The following DSCAML1 variants were observed in gnomAD, a reference collection of about 807,000 sequenced individuals.
The protein encoded by DSCAML1 is DS cell adhesion molecule like 1.
A neutral mutation model predicts 200.5 loss-of-function variants in DSCAML1; 38 were observed. The observed-to-expected ratio is 0.19, with a 90% CI of 0.15 to 0.25. DSCAML1 has a LOEUF of 0.25. DSCAML1 is among the 10% of genes least tolerant of loss of function. DSCAML1 has a pLI of 1.00. For missense variants in DSCAML1, 2,223 were observed against 2,858.8 expected (o/e 0.78, Z 5.07); for synonymous variants, 1,215 against 1,165.0 (o/e 1.04, Z -0.87).
chr11:117,681,568 G>A (rs1002203315), intron 3 of DSCAML1, among the ~76,000 whole-genome samples: 3 of 152,174 alleles, frequency 2.0e-5, no homozygotes, highest in Non-Finnish European at 2.9e-5. Context: ...TGACACTCCA[G>A]GGCTTTATTG....
At chr11:117,703,727 A>G (rs889380818) in intron 3 of DSCAML1, among the ~76,000 whole-genome samples, 1 of 152,218 alleles carries the variant, frequency 6.6e-6, no homozygotes, top group Non-Finnish European at 1.5e-5. Context: ...TTACCCCACA[A>G]GACTGTGGGT....
chr11:117,816,468 G>C (rs1283731404), intron 1 of DSCAML1, among the ~76,000 whole-genome samples: 1 of 152,248 alleles, frequency 6.6e-6, no homozygotes, highest in East Asian at 1.9e-4. Flanking sequence ...GTGAGGCACA[G>C]ATTACCCGCC....
At chr11:117,604,134 A>G (rs1408395131) in intron 3 of DSCAML1, among the ~76,000 whole-genome samples, 7 of 152,110 alleles carry the variant, frequency 4.6e-5, no homozygotes, top group Admixed American at 3.9e-4. Flanking sequence ...ATTACCGACA[A>G]TGCAGGCATC....
At chr11:117,623,219 T>C (rs1261457512) in intron 3 of DSCAML1, among the ~76,000 whole-genome samples, 1 of 140,120 alleles carries the variant, frequency 7.1e-6, no homozygotes, top group Non-Finnish European at 1.5e-5. Flanking sequence ...TTCTTTTCTT[T>C]TTTTTTTTTT....
Position 117,464,982 on chromosome 11 carries a change from C to A in DSCAML1, c.3225G>T (p.Gly1075=). The A allele has an allele frequency of 6.2e-7, 1 of 1,614,092 alleles. No homozygotes were observed. Among genetic ancestry groups the A allele is most frequent in the Non-Finnish European group, 8.5e-7 (1 of 1,179,978 alleles). ...VVQAFNRAGT[G]PSSSEINATT... ...TGGCATTGATCTCGCTGGAAGAGGGCCCCGTGCCAGCCCGATTGAAGGCTT... is the reference window on the plus strand; with the variant it reads ...TGGCATTGATCTCGCTGGAAGAGGGACCCGTGCCAGCCCGATTGAAGGCTT... Residue 1075 remains glycine, a synonymous_variant, in exon 17 of 33, where the codon GGG becomes GGT. Coordinates refer to ENST00000651296, the MANE Select transcript of DSCAML1 (RefSeq NM_020693.4).
intron 3 of DSCAML1, among the ~76,000 whole-genome samples, chr11:117,660,553 A>G (rs1398388511): frequency 1.3e-5 from 2 of 152,050 alleles, no homozygotes; most frequent in African/African-American, 4.8e-5. Context: ...TTGCCATAAG[A>G]GGGGAGGCTG....
At chr11:117,772,395 A>T (rs1368326636) in intron 3 of DSCAML1, among the ~76,000 whole-genome samples, 1 of 152,200 alleles carries the variant, frequency 6.6e-6, no homozygotes, top group Non-Finnish European at 1.5e-5. Flanking sequence ...CCCTACCCAC[A>T]ATAAACAGTG....
intron 3 of DSCAML1, among the ~76,000 whole-genome samples, chr11:117,736,230 C>T (rs2054313430): frequency 6.6e-6 from 1 of 152,174 alleles, no homozygotes; most frequent in African/African-American, 2.4e-5. Context: ...CGAGGCTTGG[C>T]TGGTGCTGGA....
chr11:117,803,367 AT>A (rs1285082654), intron 1 of DSCAML1, among the ~76,000 whole-genome samples: 3 of 152,160 alleles, frequency 2.0e-5, no homozygotes, highest in African/African-American at 7.2e-5. Context: ...ATTTTTTTTA[AT>A]TTAGAAAGCA....
At chr11:117,432,701 T>G (rs2047826703) in intron 29 of DSCAML1, among the ~76,000 whole-genome samples, 197 bp from the exon 30 acceptor site, 1 of 152,118 alleles carries the variant, frequency 6.6e-6, no homozygotes, top group Non-Finnish European at 1.5e-5. Flanking sequence ...CGCCTCAATC[T>G]CCTGGGCTCA....
chr11:117,438,136 A>C (rs2047960373), intron 24 of DSCAML1, 53 bp from the exon 25 acceptor site: 8 of 1,534,646 alleles, frequency 5.2e-6, no homozygotes, highest in Middle Eastern at 3.6e-4. Flanking sequence ...AAGGCAGCAG[A>C]AGCCCAGCCT....
intron 11 of DSCAML1, among the ~76,000 whole-genome samples, chr11:117,484,928 TG>T (rs1565729343): frequency 1.4e-5 from 2 of 139,964 alleles, no homozygotes; most frequent in African/African-American, 3.0e-5. Context: ...TGTGTGTGTG[TG>T]TGTGTGTGTG....
chr11:117,686,716 G>C (rs534046321), intron 3 of DSCAML1, among the ~76,000 whole-genome samples: 1 of 152,198 alleles, frequency 6.6e-6, no homozygotes, highest in Non-Finnish European at 1.5e-5. Context: ...CACATGCCTG[G>C]GAGCGGGAGA....
intron 3 of DSCAML1, among the ~76,000 whole-genome samples, chr11:117,701,829 G>A (rs779387335): frequency 1.4e-4 from 22 of 152,176 alleles, no homozygotes; most frequent in Non-Finnish European, 2.5e-4. Flanking sequence ...TGACCTGGAC[G>A]TCCTGGGGAT....
intron 3 of DSCAML1, among the ~76,000 whole-genome samples, chr11:117,631,189 G>A (rs1367922912): frequency 6.6e-6 from 1 of 152,204 alleles, no homozygotes; most frequent in African/African-American, 2.4e-5. Context: ...GAGGACACAA[G>A]AGTCTGGGGG....
At chr11:117,773,112 C>T (rs2055068842) in intron 3 of DSCAML1, among the ~76,000 whole-genome samples, 1 of 152,184 alleles carries the variant, frequency 6.6e-6, no homozygotes, top group African/African-American at 2.4e-5. Flanking sequence ...TGAGTAAGCA[C>T]CCAATTCATG....
At chr11:117,674,526 A>C (rs1376912603) in intron 3 of DSCAML1, among the ~76,000 whole-genome samples, 6 of 152,184 alleles carry the variant, frequency 3.9e-5, no homozygotes, top group Non-Finnish European at 8.8e-5. Flanking sequence ...GGCCATGCAT[A>C]CCAGGTGCCA....
chr11:117,432,677 C>T (rs880615), intron 29 of DSCAML1, among the ~76,000 whole-genome samples, 173 bp from the exon 30 acceptor site: 76,658 of 151,844 alleles, frequency 0.5, 21,450 homozygotes, highest in East Asian at 0.91. Flanking sequence ...ATTGTGATCA[C>T]TGCTCACTGC....
intron 21 of DSCAML1, among the ~76,000 whole-genome samples, chr11:117,441,380 G>A (rs975916540): frequency 1.3e-5 from 2 of 152,240 alleles, no homozygotes; most frequent in African/African-American, 4.8e-5. Flanking sequence ...CTGAGAGTCA[G>A]CAGGCATGAT....
Sources: allele counts gnomAD v4.1 joint callset (sites outside exome capture counted in the v4.1 genomes callset), GRCh38; gene constraint gnomAD v4.1.1; transcripts MANE v1.5; gene names NCBI Gene and HGNC (gene_info 2026-07-23, HGNC 2026-07-21).